Variants in RSF1 observed in about 807,000 individuals in gnomAD.
RSF1 encodes the protein HBV pX-associated protein 8.
A neutral mutation model predicts 145.2 loss-of-function variants in RSF1; 13 were observed. The observed-to-expected ratio is 0.09, with a 90% CI of 0.06 to 0.14. The LOEUF is 0.14. Ranked by LOEUF, RSF1 falls within the 10% of genes least tolerant of loss-of-function variation. RSF1 has a pLI of 1.00. For missense variants in RSF1, 1,517 were observed against 1,718.2 expected, an observed-to-expected ratio of 0.88 and a Z score of 2.07; for synonymous variants, 577 against 592.6, an observed-to-expected ratio of 0.97 and a Z score of 0.38.
the RSF1 span, among the ~76,000 whole-genome samples, chr11:77,863,914 AAAT>A: frequency 2.0e-5 from 3 of 152,104 alleles, no homozygotes; most frequent in Admixed American, 1.3e-4. Flanking sequence ...CAAATAGTTT[AAAT>A]CCTTCAAGAT....
At chr11:77,777,737 C>A (rs1055350675) in intron 1 of RSF1, among the ~76,000 whole-genome samples, 4 of 152,070 alleles carry the variant, frequency 2.6e-5, no homozygotes, top group African/African-American at 9.7e-5. Context: ...GTAATCCTAG[C>A]TACTCGAGAG....
chr11:77,712,257 T>C (rs1221911101), intron 5 of RSF1, among the ~76,000 whole-genome samples: 1 of 152,202 alleles, frequency 6.6e-6, no homozygotes, highest in Non-Finnish European at 1.5e-5. Context: ...GTGATGGTTT[T>C]ATAAATGGGA....
intron 1 of RSF1, among the ~76,000 whole-genome samples, chr11:77,817,393 C>T (rs1045788288): frequency 6.6e-6 from 1 of 152,124 alleles, no homozygotes; most frequent in Admixed American, 6.5e-5. Context: ...CCACAGCAAC[C>T]GCTAAAAAAC....
chr11:77,755,307 T>C (rs1948104814), intron 2 of RSF1, among the ~76,000 whole-genome samples: 1 of 152,050 alleles, frequency 6.6e-6, no homozygotes, highest in Admixed American at 6.6e-5. Context: ...GGTAGAATTA[T>C]CAGGACAGCT....
the RSF1 span, chr11:77,842,516 C>A: frequency 6.2e-7 from 1 of 1,613,878 alleles, no homozygotes; most frequent in Non-Finnish European, 8.5e-7. Flanking sequence ...CCTGAAATTG[C>A]TTCCTTATCA....
At chr11:77,714,112 A>G (rs1453991521) in intron 5 of RSF1, among the ~76,000 whole-genome samples, 1 of 152,144 alleles carries the variant, frequency 6.6e-6, no homozygotes, top group Non-Finnish European at 1.5e-5. Flanking sequence ...CTTCTCCCAT[A>G]AATTTATTTG....
At chr11:77,751,707 T>C (rs1948065558) in intron 2 of RSF1, among the ~76,000 whole-genome samples, 1 of 152,172 alleles carries the variant, frequency 6.6e-6, no homozygotes, top group Non-Finnish European at 1.5e-5. Context: ...TTCACTTCCA[T>C]AACTTGACTA....
At chr11:77,744,327 CTT>C (rs960714279) in intron 3 of RSF1, among the ~76,000 whole-genome samples, 2 of 151,924 alleles carry the variant, frequency 1.3e-5, no homozygotes, top group African/African-American at 4.8e-5. Context: ...CCCCGCCTGG[CTT>C]ATTTATTTTT....
At chr11:77,758,140 G>GAAAA (rs59962849) in intron 2 of RSF1, among the ~76,000 whole-genome samples, 1 of 104,704 alleles carries the variant, frequency 9.6e-6, no homozygotes, top group African/African-American at 4.2e-5. Context: ...AGTCTCAGAA[G>GAAAA]AAAAAAAAAA....
At chr11:77,845,603 T>C in the RSF1 span, among the ~76,000 whole-genome samples, 16 of 152,134 alleles carry the variant, frequency 1.1e-4, no homozygotes, top group Non-Finnish European at 1.6e-4. Context: ...GCTCTTTTTG[T>C]ATTTTTAGTA....
intron 2 of RSF1, among the ~76,000 whole-genome samples, chr11:77,747,535 T>C (rs1355768420): frequency 1.3e-5 from 2 of 152,226 alleles, no homozygotes; most frequent in African/African-American, 4.8e-5. Flanking sequence ...ACACATACTT[T>C]TAACCACGCC....
At chr11:77,741,996 G>A (rs188102447) in intron 3 of RSF1, among the ~76,000 whole-genome samples, 2 of 152,266 alleles carry the variant, frequency 1.3e-5, no homozygotes, top group South Asian at 2.1e-4. Context: ...AGGTTCAACC[G>A]TGTTGTCACG....
chr11:77,793,596 T>A (rs1315757433), intron 1 of RSF1, among the ~76,000 whole-genome samples: 2 of 152,102 alleles, frequency 1.3e-5, no homozygotes, highest in Non-Finnish European at 2.9e-5. Context: ...TCCACACAGA[T>A]GAAAACCAAA....
chr11:77,770,931 C>T (rs990927890), intron 1 of RSF1, among the ~76,000 whole-genome samples: 6 of 152,196 alleles, frequency 3.9e-5, no homozygotes, highest in African/African-American at 1.2e-4. Context: ...TAAAGGGATA[C>T]TCTGCTTATA....
In RSF1 at chr11:77,747,494, C is replaced by T. The variant is rs181784788; in HGVS notation, c.280-366G>A. Reference sequence around the variant, plus strand: ...AATTTATTCATCTTTTTGCCTAGGACAGAATTAGTTCAAAAAACATGCCAA... The same window carrying T: ...AATTTATTCATCTTTTTGCCTAGGATAGAATTAGTTCAAAAAACATGCCAA... On this transcript the variant is annotated intron_variant, in intron 2 of 15. Transcript: ENST00000308488. Among the ~76,000 whole-genome samples the T allele has an allele frequency of 5.0e-4, 76 of 152,280 alleles. 2 individuals carry two copies. The East Asian group carries it at 0.011, about 22-fold the overall frequency.
chr11:77,695,925 CTTTA>C (rs1960267051), intron 7 of RSF1, among the ~76,000 whole-genome samples: 1 of 152,144 alleles, frequency 6.6e-6, no homozygotes, highest in African/African-American at 2.4e-5. Flanking sequence ...ATTATTTACA[CTTTA>C]TTTATTTGCT....
At position 77,677,144 on chromosome 11, in the gene RSF1, A is replaced by G. The variant is rs1000627568; in HGVS notation, c.3134-145T>C. 1.7e-5 allele frequency: 11 copies of G among 649,994 alleles called. No homozygotes were observed. The African/African-American group carries it at 2.0e-4, about 12-fold the overall frequency. 40.3% of individuals were successfully genotyped at this position (649,994 alleles called of 1,614,324 possible). On this transcript the variant is annotated intron_variant, in intron 12 of 15. Coordinates refer to ENST00000308488, the MANE Select transcript of RSF1 (RefSeq NM_016578.4). ...CCAACAAATATGCAGTTTTCTTATG[A>G]CTTCAGCTGACAGAGGTCTCAGAGT...
chr11:77,738,658 T>A (rs886079138), intron 4 of RSF1: 1 of 152,110 alleles, frequency 6.6e-6, no homozygotes, highest in Non-Finnish European at 1.5e-5. Context: ...TATAATCTAT[T>A]TAAAACAGTA....
intron 5 of RSF1, among the ~76,000 whole-genome samples, chr11:77,720,591 T>G (rs1180124921): frequency 6.6e-6 from 1 of 152,118 alleles, no homozygotes; most frequent in Non-Finnish European, 1.5e-5. Flanking sequence ...TATTTGAGCG[T>G]TTCAAGCCTG....
Sources: allele counts gnomAD v4.1 joint callset (sites outside exome capture counted in the v4.1 genomes callset), GRCh38; gene constraint gnomAD v4.1.1; transcripts MANE v1.5; gene names NCBI Gene and HGNC (gene_info 2026-07-23, HGNC 2026-07-21).